Variants in CDH13 observed in about 807,000 individuals in gnomAD.
CDH13 encodes the protein cadherin 13.
CDH13 carries 24 observed loss-of-function variants against 63.8 expected under a neutral mutation model. The observed-to-expected ratio is 0.38, with a 90% CI of 0.27 to 0.53. CDH13 has a LOEUF of 0.53. Among genes scored for constraint, CDH13 ranks in the 20% least tolerant of loss-of-function variants. The pLI is 0.85. For missense variants in CDH13, 1,049 were observed against 903.1 expected (o/e 1.16, Z -2.07); for synonymous variants, 503 against 355.3 (o/e 1.42, Z -4.67).
At chr16:83,497,438 A>T (rs8061522) in intron 7 of CDH13, among the ~76,000 whole-genome samples, 5 of 150,700 alleles carry the variant, frequency 3.3e-5, no homozygotes, top group South Asian at 2.1e-4. Flanking sequence ...GCATATTCTC[A>T]CTCATAGGTG....
At chr16:82,645,303 A>C (rs1401834243) in intron 1 of CDH13, among the ~76,000 whole-genome samples, 2 of 151,964 alleles carry the variant, frequency 1.3e-5, no homozygotes, top group Non-Finnish European at 2.9e-5. Flanking sequence ...TGGGTTTTCA[A>C]CTCCATCCAG....
intron 4 of CDH13, among the ~76,000 whole-genome samples, chr16:83,147,705 C>A (rs563187498): frequency 6.6e-6 from 1 of 152,062 alleles, no homozygotes; most frequent in Non-Finnish European, 1.5e-5. Flanking sequence ...ACCCCACTTG[C>A]GTTCCACCCC....
At chr16:83,399,101 C>A (rs559710783) in intron 6 of CDH13, among the ~76,000 whole-genome samples, 2 of 152,296 alleles carry the variant, frequency 1.3e-5, no homozygotes, top group South Asian at 4.2e-4. Flanking sequence ...TGTGATTTTT[C>A]ATTGCCATGG....
At chr16:82,844,693 G>A (rs2039182164) in intron 1 of CDH13, 1 of 140,322 alleles carries the variant, frequency 7.1e-6, no homozygotes, top group Non-Finnish European at 1.5e-5. Context: ...AGGCTGGAGT[G>A]CGGTGATGCT....
intron 5 of CDH13, among the ~76,000 whole-genome samples, chr16:83,301,034 T>TTG (rs1163240238): frequency 4.6e-5 from 6 of 131,476 alleles, no homozygotes; most frequent in Non-Finnish European, 9.6e-5. Flanking sequence ...GGTTTTTTTT[T>TTG]TTTTTTTTTT....
intron 5 of CDH13, among the ~76,000 whole-genome samples, chr16:83,260,823 C>A (rs572610086): frequency 6.6e-6 from 1 of 152,048 alleles, no homozygotes; most frequent in Admixed American, 6.6e-5. Flanking sequence ...TATTTAAAAG[C>A]CACTTGGATG....
Position 82,673,765 on chromosome 16 carries a change from G to T in CDH13, c.45+46628G>T, listed in dbSNP as rs190917140. Among the ~76,000 whole-genome samples, 540 of 152,324 alleles carry T rather than the reference G, an allele frequency of 3.5e-3. 5 individuals carry two copies. The highest frequency in any genetic ancestry group is 0.012 in the African/African-American group (515 of 41,584). On this transcript the variant is annotated intron_variant, in intron 1 of 13. Coordinates refer to ENST00000567109, the MANE Select transcript of CDH13 (RefSeq NM_001257.5). ...ACATTAGAGTGGGCAGAGAATGATT[G>T]CTCCACAACTTTACAGGCATGGGTT...
At chr16:83,147,047 C>T (rs532935432) in intron 4 of CDH13, among the ~76,000 whole-genome samples, 7 of 152,064 alleles carry the variant, frequency 4.6e-5, no homozygotes, top group East Asian at 1.9e-4. Flanking sequence ...GAGATCACGC[C>T]GCTGTACTCT....
chr16:83,008,174 A>G (rs896553598), intron 2 of CDH13, among the ~76,000 whole-genome samples: 4 of 152,244 alleles, frequency 2.6e-5, no homozygotes, highest in Non-Finnish European at 4.4e-5. Context: ...AATAAATAGT[A>G]TAAATAACAA....
chr16:82,794,263 C>T (rs375740617), intron 1 of CDH13, among the ~76,000 whole-genome samples: 3 of 150,556 alleles, frequency 2.0e-5, no homozygotes, highest in Non-Finnish European at 1.5e-5. Context: ...CCACTGTGGC[C>T]CAGGGAAGCC....
chr16:83,606,081 GAT>G (rs2150755770), intron 8 of CDH13, among the ~76,000 whole-genome samples: 1 of 152,334 alleles, frequency 6.6e-6, no homozygotes, highest in East Asian at 1.9e-4. Context: ...AGAGAGGAAA[GAT>G]GGGGCTTATG....
At chr16:82,715,262 G>A (rs180899131) in intron 1 of CDH13, among the ~76,000 whole-genome samples, 1 of 152,088 alleles carries the variant, frequency 6.6e-6, no homozygotes, top group African/African-American at 2.4e-5. Flanking sequence ...CTAATTCTAT[G>A]ACTTGCAGGC....
intron 8 of CDH13, among the ~76,000 whole-genome samples, chr16:83,669,599 G>A (rs537858616): frequency 4.5e-4 from 68 of 152,112 alleles, no homozygotes; most frequent in African/African-American, 1.4e-3. Context: ...AAGACAACTC[G>A]CCCAGGTTTG....
At chr16:83,222,539 G>A (rs2039727929) in intron 5 of CDH13, among the ~76,000 whole-genome samples, 1 of 152,152 alleles carries the variant, frequency 6.6e-6, no homozygotes, top group South Asian at 2.1e-4. Context: ...TTCATGTTAT[G>A]AACAAATGAT....
intron 2 of CDH13, among the ~76,000 whole-genome samples, chr16:82,988,722 A>G (rs916913435): frequency 7.3e-5 from 11 of 150,576 alleles, no homozygotes; most frequent in African/African-American, 2.7e-4. Context: ...AGATCGCACC[A>G]CTGCACTCCA....
intron 1 of CDH13, among the ~76,000 whole-genome samples, chr16:82,631,938 T>C (rs1233398234): frequency 6.6e-6 from 1 of 152,184 alleles, no homozygotes; most frequent in Non-Finnish European, 1.5e-5. Context: ...AACTCTGGCT[T>C]CTGGGCAGAG....
At chr16:83,066,803 C>T (rs573816718) in intron 3 of CDH13, among the ~76,000 whole-genome samples, 1 of 152,222 alleles carries the variant, frequency 6.6e-6, no homozygotes, top group Non-Finnish European at 1.5e-5. Flanking sequence ...AGCACATTTT[C>T]TGCTTCTACT....
chr16:82,713,514 G>A (rs902365980), intron 1 of CDH13, among the ~76,000 whole-genome samples: 3 of 152,112 alleles, frequency 2.0e-5, no homozygotes, highest in African/African-American at 4.8e-5. Flanking sequence ...CCAACACTCT[G>A]TGCGGTGTTT....
intron 7 of CDH13, among the ~76,000 whole-genome samples, chr16:83,545,986 G>T (rs1825535039): frequency 6.6e-6 from 1 of 152,148 alleles, no homozygotes; most frequent in African/African-American, 2.4e-5. Flanking sequence ...TCTAGCTGGG[G>T]AACCAATATG....
Sources: allele counts gnomAD v4.1 joint callset (sites outside exome capture counted in the v4.1 genomes callset), GRCh38; gene constraint gnomAD v4.1.1; transcripts MANE v1.5; gene names NCBI Gene and HGNC (gene_info 2026-07-23, HGNC 2026-07-21).